The following ZBTB44 variants were observed in gnomAD, a reference collection of about 807,000 sequenced individuals.
ZBTB44 encodes the protein zinc finger and BTB domain containing 44.
A neutral mutation model predicts 54.0 loss-of-function variants in ZBTB44; 15 were observed. The observed-to-expected ratio is 0.28, with a 90% CI of 0.19 to 0.43. The LOEUF is 0.43. ZBTB44 is among the 20% of genes least tolerant of loss of function. The pLI, the probability that ZBTB44 is intolerant of heterozygous loss-of-function variation, is 1.00. For synonymous variants in ZBTB44, 230 were observed against 250.1 expected, an observed-to-expected ratio of 0.92 and a Z score of 0.76; for missense variants, 487 against 707.1, an observed-to-expected ratio of 0.69 and a Z score of 3.53.
intron 2 of ZBTB44, among the ~76,000 whole-genome samples, chr11:130,241,099 T>C (rs1325016444): frequency 9.9e-5 from 15 of 152,226 alleles, no homozygotes; most frequent in Non-Finnish European, 1.5e-5. Context: ...ATAATATTCA[T>C]CATTATCCAT....
chr11:130,291,756 A>T (rs1458466130), intron 1 of ZBTB44, among the ~76,000 whole-genome samples: 1 of 152,244 alleles, frequency 6.6e-6, no homozygotes, highest in Non-Finnish European at 1.5e-5. Context: ...TATGGAATCA[A>T]TCACATCTGT....
chr11:130,272,745 T>A (rs943537261), intron 1 of ZBTB44, among the ~76,000 whole-genome samples: 2 of 152,154 alleles, frequency 1.3e-5, no homozygotes, highest in African/African-American at 4.8e-5. Flanking sequence ...TTTTGAGTTA[T>A]TTTTTGTATA....
intron 1 of ZBTB44, among the ~76,000 whole-genome samples, chr11:130,273,649 A>G (rs1475934038): frequency 2.6e-5 from 4 of 152,222 alleles, no homozygotes; most frequent in Admixed American, 1.3e-4. Flanking sequence ...CAAGTGTATA[A>G]TAAGACAACT....
intron 2 of ZBTB44, among the ~76,000 whole-genome samples, chr11:130,243,020 C>T (rs948293524): frequency 2.0e-5 from 3 of 152,302 alleles, no homozygotes; most frequent in Non-Finnish European, 2.9e-5. Flanking sequence ...AAAATGTTCA[C>T]GGAGATTTTA....
At chr11:130,305,816 A>T (rs1162156840) in intron 1 of ZBTB44, among the ~76,000 whole-genome samples, 1 of 152,216 alleles carries the variant, frequency 6.6e-6, no homozygotes, top group Non-Finnish European at 1.5e-5. Flanking sequence ...GAGACAACCC[A>T]AAGTGGTAGA....
At chr11:130,240,644 G>C (rs78053970) in intron 2 of ZBTB44, among the ~76,000 whole-genome samples, 3 of 152,118 alleles carry the variant, frequency 2.0e-5, no homozygotes, top group Non-Finnish European at 4.4e-5. Flanking sequence ...ACGAAAGCAC[G>C]GCCAGCATCC....
chr11:130,271,561 A>C (rs1217944076), intron 1 of ZBTB44, among the ~76,000 whole-genome samples: 1 of 152,186 alleles, frequency 6.6e-6, no homozygotes, highest in Non-Finnish European at 1.5e-5. Flanking sequence ...TTTTGTCTAT[A>C]AACTTCCCCA....
At chr11:130,296,937 C>T (rs781460261) in intron 1 of ZBTB44, 121 of 738,646 alleles carry the variant, frequency 1.6e-4, no homozygotes, top group Non-Finnish European at 2.7e-4. Context: ...TGAAGGCAAG[C>T]AGAAAAAGCG....
At chr11:130,312,420 C>A (rs1942663998) in intron 1 of ZBTB44, among the ~76,000 whole-genome samples, 1 of 152,130 alleles carries the variant, frequency 6.6e-6, no homozygotes, top group African/African-American at 2.4e-5. Flanking sequence ...ACAGGAGGTA[C>A]ACAGCATCAC....
At chr11:130,268,069 CAAA>C (rs574966633) in intron 1 of ZBTB44, among the ~76,000 whole-genome samples, 5 of 64,982 alleles carry the variant, frequency 7.7e-5, no homozygotes. Flanking sequence ...ACTCTGTCTA[CAAA>C]AAAAAAAAAA....
intron 2 of ZBTB44, among the ~76,000 whole-genome samples, chr11:130,255,217 G>C (rs2136389209): frequency 6.6e-6 from 1 of 152,196 alleles, no homozygotes; most frequent in Non-Finnish European, 1.5e-5. Context: ...AGAACTTAAA[G>C]TATAGTAAAT....
intron 2 of ZBTB44, among the ~76,000 whole-genome samples, chr11:130,249,649 C>T (rs903625341): frequency 6.6e-6 from 1 of 152,168 alleles, no homozygotes; most frequent in African/African-American, 2.4e-5. Flanking sequence ...AGAGGGTGAG[C>T]AGAAGCAGGG....
intron 7 of ZBTB44, chr11:130,231,973 C>T (rs2136248178): frequency 6.6e-6 from 1 of 152,290 alleles, no homozygotes; most frequent in South Asian, 2.1e-4. Context: ...TATGCTGATT[C>T]TCCTGAAGGG....
intron 2 of ZBTB44, among the ~76,000 whole-genome samples, chr11:130,243,403 T>C (rs1451914757): frequency 6.6e-6 from 1 of 152,264 alleles, no homozygotes; most frequent in Non-Finnish European, 1.5e-5. Flanking sequence ...GCTAGGTTCC[T>C]GGGCAGCATT....
chr11:130,248,111 G>A (rs1461109257), intron 2 of ZBTB44, among the ~76,000 whole-genome samples: 1 of 152,090 alleles, frequency 6.6e-6, no homozygotes, highest in Admixed American at 6.6e-5. Flanking sequence ...TCCCTAGAAA[G>A]ACAAGATACC....
chr11:130,242,874 G>A (rs898599301), intron 2 of ZBTB44, among the ~76,000 whole-genome samples: 1 of 152,086 alleles, frequency 6.6e-6, no homozygotes, highest in Non-Finnish European at 1.5e-5. Context: ...ACCTACATTT[G>A]TTGTCTTCCG....
chr11:130,305,509 G>A lies in ZBTB44; in HGVS notation c.-57+8866C>T, dbSNP rs533514756. ...CAAACAAAAACATAAAGTGGAGAAA[G>A]GACACCCTATTCAACAAACAGTGCT... On this transcript the variant is annotated intron_variant, in intron 1 of 7. Transcript: ENST00000357899. Among the ~76,000 whole-genome samples the A allele has an allele frequency of 2.0e-5, 3 of 152,258 alleles. No individual in the cohort carries two copies. In the South Asian group the frequency reaches 6.2e-4, roughly 32 times the overall value.
intron 3 of ZBTB44, 27 bp downstream of exon 3, chr11:130,239,785 G>A: frequency 6.3e-7 from 1 of 1,585,336 alleles, no homozygotes; most frequent in South Asian, 1.1e-5. Flanking sequence ...CCCTTAAGAG[G>A]TAACGAAATG....
intron 2 of ZBTB44, among the ~76,000 whole-genome samples, chr11:130,258,234 A>G (rs149768605): frequency 6.6e-6 from 1 of 152,356 alleles, no homozygotes; most frequent in East Asian, 1.9e-4. Flanking sequence ...GGAATATAAT[A>G]AAGTGTTACC....
Sources: allele counts gnomAD v4.1 joint callset (sites outside exome capture counted in the v4.1 genomes callset), GRCh38; gene constraint gnomAD v4.1.1; transcripts MANE v1.5; gene names NCBI Gene and HGNC (gene_info 2026-07-23, HGNC 2026-07-21).